OTUD7B: variants seen among roughly 807,000 people sequenced by gnomAD.
OTUD7B encodes the protein OTU deubiquitinase 7B, also known as OTU domain-containing protein 7B.
In OTUD7B, 34 loss-of-function variants were observed where a neutral mutation model predicts 82.2. That is an observed-to-expected ratio of 0.41 (90% CI 0.31 to 0.55). OTUD7B has a LOEUF of 0.55. Among genes scored for constraint, OTUD7B ranks in the 20% least tolerant of loss-of-function variants. The pLI is 0.20. For synonymous variants in OTUD7B, 398 were observed against 402.7 expected, an observed-to-expected ratio of 0.99 and a Z score of 0.14; for missense variants, 944 against 1,062.1, an observed-to-expected ratio of 0.89 and a Z score of 1.55.
the OTUD7B span, among the ~76,000 whole-genome samples, chr1:150,021,914 G>A: frequency 6.6e-6 from 1 of 152,160 alleles, no homozygotes; most frequent in South Asian, 2.1e-4. Context: ...TCTTGCCACT[G>A]AAACAACATC....
In OTUD7B at chr1:149,938,482, G is replaced by A. The variant is rs1357936252; in HGVS notation, c.*5375C>T. 104,244 of 105,532 alleles carry A rather than the reference G, an allele frequency of 0.99. 51,724 individuals are homozygous for A. The highest frequency in any genetic ancestry group is 1 in the Middle Eastern group (126 of 126). The allele number at this position is 105,532 out of a possible 1,614,324, so 6.5% of individuals were successfully genotyped here. On this transcript the variant is annotated 3_prime_UTR_variant, in exon 12 of 12. Transcript: ENST00000581312. ...TCGCAAAAAAAAAAAAAAAAAAAAAGACATAGGAAGAGGTGTGTACCATAA... is the reference window on the plus strand; with the variant it reads ...TCGCAAAAAAAAAAAAAAAAAAAAAAACATAGGAAGAGGTGTGTACCATAA...
chr1:149,955,926 G>C (rs746902364), intron 7 of OTUD7B, among the ~76,000 whole-genome samples: 1 of 152,052 alleles, frequency 6.6e-6, no homozygotes, highest in Non-Finnish European at 1.5e-5. Flanking sequence ...GCCTATGTGT[G>C]TCTCTGCACC....
intron 1 of OTUD7B, among the ~76,000 whole-genome samples, chr1:150,009,700 CTG>C (rs1652899081): frequency 6.6e-6 from 1 of 152,110 alleles, no homozygotes; most frequent in Non-Finnish European, 1.5e-5. Flanking sequence ...GAAAGAGACT[CTG>C]AGCGCTGGTC....
intron 7 of OTUD7B, among the ~76,000 whole-genome samples, chr1:149,955,657 T>C (rs1194174376): frequency 2.0e-5 from 3 of 152,078 alleles, no homozygotes; most frequent in African/African-American, 4.8e-5. Flanking sequence ...AAGTCTCCCA[T>C]TATTATTGTG....
At chr1:150,049,396 GT>G in the OTUD7B span, among the ~76,000 whole-genome samples, 2 of 152,074 alleles carry the variant, frequency 1.3e-5, no homozygotes, top group Non-Finnish European at 2.9e-5. Flanking sequence ...TAGTCAGGAT[GT>G]TGCTATATAC....
intron 7 of OTUD7B, among the ~76,000 whole-genome samples, chr1:149,955,360 GT>G (rs1379760601): frequency 6.6e-6 from 1 of 152,208 alleles, no homozygotes; most frequent in African/African-American, 2.4e-5. Flanking sequence ...TTCTGAGTGA[GT>G]TTCTTAATCC....
In OTUD7B at chr1:149,942,522, G is replaced by A. The variant is rs1379047486; in HGVS notation, c.*1335C>T. The A allele has an allele frequency of 3.3e-5, 5 of 152,616 alleles. No homozygotes were observed. In the East Asian group the frequency reaches 7.7e-4, roughly 24 times the overall value. 9.5% of individuals were successfully genotyped at this position (152,616 alleles called of 1,614,324 possible). On this transcript the variant is annotated 3_prime_UTR_variant, in exon 12 of 12. Transcript: ENST00000581312. ...AGGGAAAGGGAGAAACCTAAAGACA[G>A]ATCAGCTCATTGGGAGTCATCTGTG...
the OTUD7B span, among the ~76,000 whole-genome samples, chr1:150,049,629 C>CTCTTTTTTTTT: frequency 1.4e-4 from 6 of 43,468 alleles, 3 homozygotes; most frequent in African/African-American, 1.6e-4. Flanking sequence ...CTCTCTCTCT[C>CTCTTTTTTTTT]TTTCTTTTTT....
intron 10 of OTUD7B, among the ~76,000 whole-genome samples, chr1:149,947,969 T>A (rs1210445881): frequency 1.3e-5 from 2 of 152,138 alleles, no homozygotes; most frequent in Non-Finnish European, 2.9e-5. Flanking sequence ...GCAAACTATT[T>A]TTATCACGTA....
Position 149,943,569 on chromosome 1 carries a change from G to T in OTUD7B, c.*288C>A. On this transcript the variant is annotated 3_prime_UTR_variant, in exon 12 of 12. Transcript: ENST00000581312. ...GCTACTTTCTCTTAGGTCCCTGGAT[G>T]GGACCCAGGAGGTTATAAGACAGAA... 1 of 325,114 alleles carries T rather than the reference G, an allele frequency of 3.1e-6. No individual in the cohort carries two copies. The highest frequency in any genetic ancestry group is 5.7e-6 in the Non-Finnish European group (1 of 175,802). The allele number at this position is 325,114 out of a possible 1,614,324, so 20.1% of individuals were successfully genotyped here.
chr1:150,039,577 C>T, the OTUD7B span, among the ~76,000 whole-genome samples: 1 of 152,000 alleles, frequency 6.6e-6, no homozygotes, highest in Non-Finnish European at 1.5e-5. Context: ...AGAGTTTCAC[C>T]GTGTTAGCCA....
At chr1:149,948,847 C>G in intron 10 of OTUD7B, 122 bp downstream of exon 10, 1 of 669,474 alleles carries the variant, frequency 1.5e-6, no homozygotes. Context: ...TCCCCATCTT[C>G]CCAAAACTCA....
chr1:149,987,705 G>A (rs1185797959), intron 1 of OTUD7B, among the ~76,000 whole-genome samples: 2 of 151,738 alleles, frequency 1.3e-5, no homozygotes, highest in Non-Finnish European at 2.9e-5. Context: ...TCAGTCCCAC[G>A]ACCATTTCCA....
chr1:149,991,097 T>A (rs1235291374), intron 1 of OTUD7B, among the ~76,000 whole-genome samples: 2 of 152,144 alleles, frequency 1.3e-5, no homozygotes, highest in African/African-American at 4.8e-5. Flanking sequence ...TTCTAGGGAT[T>A]TATAGCAAAA....
rs781906950 is a variant in OTUD7B at position 149,938,095 on chromosome 1, C to T, written c.*5762G>A. ...TAAAGGCTACAGAGCACCACCACCC[C>T]ACCTGCCCCTAATGCATTCCATGGG... is the stretch of plus-strand genomic sequence containing the variant. On this transcript the variant is annotated 3_prime_UTR_variant, in exon 12 of 12. Coordinates refer to ENST00000581312, the MANE Select transcript of OTUD7B (RefSeq NM_020205.4). The T allele has an allele frequency of 6.6e-6, 1 of 152,454 alleles. No homozygotes were observed. The highest frequency in any genetic ancestry group is 1.9e-4 in the East Asian group (1 of 5,184). The allele number at this position is 152,454 out of a possible 1,614,324, so 9.4% of individuals were successfully genotyped here. A position where few individuals can be genotyped will look rare whatever the true frequency, so the allele number is the denominator to read the frequency against.
intron 1 of OTUD7B, among the ~76,000 whole-genome samples, chr1:149,996,989 A>G (rs141951581): frequency 5.8e-4 from 89 of 152,344 alleles, no homozygotes; most frequent in African/African-American, 2.1e-3. Flanking sequence ...ACCTAGCAGA[A>G]AACATTTAAA....
chr1:150,032,996 T>C, the OTUD7B span, among the ~76,000 whole-genome samples: 1 of 152,202 alleles, frequency 6.6e-6, no homozygotes, highest in Non-Finnish European at 1.5e-5. Context: ...AGTAACTGCA[T>C]ATTATCTTAT....
the OTUD7B span, among the ~76,000 whole-genome samples, chr1:150,065,347 T>A: frequency 1.3e-5 from 2 of 152,218 alleles, no homozygotes; most frequent in South Asian, 4.1e-4. Context: ...AGTGTTGGGA[T>A]TACAGGAGTA....
At chr1:149,947,469 C>A (rs191579620) in intron 10 of OTUD7B, 134 bp from the exon 11 acceptor site, 2 of 561,866 alleles carry the variant, frequency 3.6e-6, no homozygotes, top group East Asian at 6.3e-5. Flanking sequence ...ATTTCTCCAC[C>A]AATTAATAAG....
Sources: allele counts gnomAD v4.1 joint callset (sites outside exome capture counted in the v4.1 genomes callset), GRCh38; gene constraint gnomAD v4.1.1; transcripts MANE v1.5; gene names NCBI Gene and HGNC (gene_info 2026-07-23, HGNC 2026-07-21).